Variants in ITGA11 observed in about 807,000 individuals in gnomAD.
The protein encoded by ITGA11 is integrin subunit alpha 11, also known as integrin alpha-11.
A neutral mutation model predicts 141.9 loss-of-function variants in ITGA11; 97 were observed. The ratio of observed to expected loss-of-function variants is 0.68; its 90% confidence interval spans 0.58 to 0.81. ITGA11 has a LOEUF of 0.81. Among genes scored for constraint, ITGA11 ranks in the 30% least tolerant of loss-of-function variants. The probability of loss-of-function intolerance (pLI) is 0.00; values close to 1 mark genes in which losing one functional copy is unlikely to be tolerated. For synonymous variants in ITGA11, 658 were observed against 624.6 expected, an observed-to-expected ratio of 1.05 and a Z score of -0.80; for missense variants, 1,387 against 1,559.2, an observed-to-expected ratio of 0.89 and a Z score of 1.86.
intron 2 of ITGA11, among the ~76,000 whole-genome samples, chr15:68,380,406 A>C (rs1420026166): frequency 6.6e-6 from 1 of 152,232 alleles, no homozygotes; most frequent in East Asian, 1.9e-4. Context: ...GTTCAAAGAA[A>C]TAATTAATGA....
At chr15:68,384,523 C>A (rs1443676717) in intron 2 of ITGA11, among the ~76,000 whole-genome samples, 1 of 152,200 alleles carries the variant, frequency 6.6e-6, no homozygotes, top group Non-Finnish European at 1.5e-5. Flanking sequence ...TCCCAGCCCT[C>A]TGCAGCTCAT....
intron 1 of ITGA11, among the ~76,000 whole-genome samples, chr15:68,415,198 C>A (rs1896860269): frequency 6.6e-6 from 1 of 152,346 alleles, no homozygotes; most frequent in Admixed American, 6.5e-5. Context: ...ATTCCTCCAA[C>A]TATAATATCA....
At chr15:68,315,799 A>G (rs1893553657) in intron 21 of ITGA11, 72 bp from the exon 22 acceptor site, 2 of 1,238,644 alleles carry the variant, frequency 1.6e-6, no homozygotes, top group Admixed American at 2.3e-5. Context: ...CCCACTCCCC[A>G]CAGCCCCCTG....
rs1302322060 is a variant in ITGA11 at position 68,325,646 on chromosome 15, T to C, written c.2212-405A>G. On this transcript the variant is annotated intron_variant, in intron 17 of 29. Coordinates refer to ENST00000315757, the MANE Select transcript of ITGA11 (RefSeq NM_001004439.2). The surrounding 1 kb of genome is among the most constrained non-coding windows in gnomAD (Gnocchi z 5.5). ...TTTGAACCATATGACTGTGTGTCAC[T>C]CTTCCTTCCCAAGCAAGGAATAGGC... 6.6e-6 allele frequency among the ~76,000 whole-genome samples: 1 copy of C among 151,798 alleles called. No homozygotes were observed. Among genetic ancestry groups the C allele is most frequent in the Non-Finnish European group, 1.5e-5 (1 of 67,950 alleles).
chr15:68,377,763 A>C (rs1276218811), intron 2 of ITGA11, among the ~76,000 whole-genome samples: 1 of 152,160 alleles, frequency 6.6e-6, no homozygotes, highest in East Asian at 1.9e-4. Flanking sequence ...TTCTGTGTTA[A>C]TATCTATCAA....
At chr15:68,373,311 C>T (rs866621323) in intron 2 of ITGA11, among the ~76,000 whole-genome samples, 39 of 152,146 alleles carry the variant, frequency 2.6e-4, no homozygotes, top group African/African-American at 8.9e-4. Context: ...TGAAGGCACT[C>T]GGCAAAGAGG....
At chr15:68,393,805 C>T (rs1255999833) in intron 2 of ITGA11, among the ~76,000 whole-genome samples, 1 of 152,122 alleles carries the variant, frequency 6.6e-6, no homozygotes, top group Non-Finnish European at 1.5e-5. Flanking sequence ...GAAAGGGTAG[C>T]TATGTGGATA....
At chr15:68,339,276 C>T (rs956064937) in intron 11 of ITGA11, among the ~76,000 whole-genome samples, 5 of 152,256 alleles carry the variant, frequency 3.3e-5, no homozygotes, top group African/African-American at 1.2e-4. Flanking sequence ...CTTTATTCTA[C>T]CTATTTATGG....
At chr15:68,327,547 T>C (rs554894756) in intron 16 of ITGA11, among the ~76,000 whole-genome samples, 198 of 152,288 alleles carry the variant, frequency 1.3e-3, no homozygotes, top group Non-Finnish European at 2.3e-3. Context: ...CAGACAGTCC[T>C]GGAACCCGCA....
intron 10 of ITGA11, among the ~76,000 whole-genome samples, chr15:68,341,182 T>C (rs1030763724): frequency 1.3e-5 from 2 of 152,204 alleles, no homozygotes; most frequent in Admixed American, 6.5e-5. Context: ...TCAATGTGCT[T>C]GGTTATGTTT....
intron 1 of ITGA11, among the ~76,000 whole-genome samples, chr15:68,425,998 T>C (rs1274098977): frequency 2.0e-5 from 3 of 152,208 alleles, no homozygotes; most frequent in Non-Finnish European, 4.4e-5. Context: ...AGCCACAAGC[T>C]GGGTTCTTCT....
chr15:68,332,513 C>G, intron 12 of ITGA11, 35 bp from the exon 13 acceptor site: 1 of 1,602,684 alleles, frequency 6.2e-7, no homozygotes, highest in East Asian at 2.2e-5. Flanking sequence ...AGTGGGCTGG[C>G]TGCCCAGCTC....
At position 68,303,830 on chromosome 15, in the gene ITGA11, A is replaced by T; in HGVS notation, c.3437T>A (p.Val1146Glu). The change falls in exon 29 of 30, where the codon GTA becomes GAA. Residue 1146 changes from valine to glutamate, a missense_variant. Coordinates refer to ENST00000315757, the MANE Select transcript of ITGA11 (RefSeq NM_001004439.2). The surrounding 1 kb of genome is among the most constrained non-coding windows in gnomAD (Gnocchi z 5.3). The stretch of plus-strand genomic sequence containing the variant: ...TAGGAGGCCCCCCAGGGTGCTGCCT[A>T]CAATGATCCAGATGGGGACCTGCCA... ...EDWQVPIWII[V>E]GSTLGGLLLL... 6.2e-7 allele frequency: 1 copy of T among 1,613,360 alleles called. No individual in the cohort carries two copies. Among genetic ancestry groups the T allele is most frequent in the Non-Finnish European group, 8.5e-7 (1 of 1,179,534 alleles).
intron 1 of ITGA11, among the ~76,000 whole-genome samples, chr15:68,420,117 C>G (rs1896982548): frequency 6.6e-6 from 1 of 152,172 alleles, no homozygotes; most frequent in Admixed American, 6.5e-5. Flanking sequence ...ACCATCTTTT[C>G]TGGGCACTCC....
intron 11 of ITGA11, among the ~76,000 whole-genome samples, chr15:68,338,841 G>C (rs967078225): frequency 1.9e-4 from 29 of 152,250 alleles, no homozygotes; most frequent in African/African-American, 6.8e-4. Flanking sequence ...CCCAGAGACA[G>C]TGGGGACCCT....
intron 26 of ITGA11, among the ~76,000 whole-genome samples, chr15:68,309,236 C>T (rs578203350): frequency 6.6e-6 from 1 of 152,296 alleles, no homozygotes; most frequent in South Asian, 2.1e-4. Flanking sequence ...AACAGTTTTT[C>T]GGAATGCTCA....
rs527870859 is a variant in ITGA11, at chr15:68,375,477, C to A, written c.165-6193G>T. The stretch of plus-strand genomic sequence containing the variant: ...GAGAGCAGCAAGTCCAAATGCCTGC[C>A]CAGTGGGGACCCCGGGGCTGCCCTG... On this transcript the variant is annotated intron_variant, in intron 2 of 29. Coordinates refer to ENST00000315757, the MANE Select transcript of ITGA11 (RefSeq NM_001004439.2). Among the ~76,000 whole-genome samples, 9 of 152,268 alleles carry A rather than the reference C, an allele frequency of 5.9e-5. No homozygotes were observed. In the East Asian group the frequency reaches 1.5e-3, roughly 26 times the overall value.
chr15:68,411,450 G>A (rs1018868082), intron 1 of ITGA11, among the ~76,000 whole-genome samples: 1 of 152,222 alleles, frequency 6.6e-6, no homozygotes, highest in African/African-American at 2.4e-5. Context: ...GCAGAGCACA[G>A]GAGACCAGGT....
chr15:68,372,807 C>A (rs147824362), intron 2 of ITGA11, among the ~76,000 whole-genome samples: 1 of 152,302 alleles, frequency 6.6e-6, no homozygotes, highest in African/African-American at 2.4e-5. Context: ...CAACAAGGCT[C>A]TTTGGGGACT....
Sources: gnomAD v4.1 joint callset for allele counts (sites outside exome capture counted in the v4.1 genomes callset) on GRCh38, gnomAD v4.1.1 for gene constraint, Gnocchi (gnomAD v3.1) non-coding constraint, MANE v1.5 for transcripts, NCBI Gene and HGNC (gene_info 2026-07-23, HGNC 2026-07-21) for gene names.